The following PTPRT variants were observed in gnomAD, a reference collection of about 807,000 sequenced individuals.
PTPRT encodes the protein protein tyrosine phosphatase receptor type T.
PTPRT carries 56 observed loss-of-function variants against 176.8 expected under a neutral mutation model. The ratio of observed to expected loss-of-function variants is 0.32; its 90% CI spans 0.26 to 0.40. The LOEUF is 0.40. PTPRT is among the 10% of genes least tolerant of loss of function. The pLI, the probability that PTPRT is intolerant of heterozygous loss-of-function variation, is 1.00. For synonymous variants in PTPRT, 783 were observed against 739.0 expected (o/e 1.06, Z -0.96); for missense variants, 1,540 against 1,908.2 (o/e 0.81, Z 3.60).
chr20:42,282,580 G>T, intron 12 of PTPRT, 55 bp from the exon 13 acceptor site: 1 of 1,388,860 alleles, frequency 7.2e-7, no homozygotes, highest in South Asian at 1.3e-5. Flanking sequence ...ATATAAAATT[G>T]TTATATAAAG....
At chr20:42,162,619 G>C (rs1304468843) in intron 16 of PTPRT, among the ~76,000 whole-genome samples, 1 of 152,196 alleles carries the variant, frequency 6.6e-6, no homozygotes, top group East Asian at 1.9e-4. Context: ...CTTGTTTGTG[G>C]CATGCAAGAG....
At chr20:42,446,647 C>A (rs1266914717) in intron 9 of PTPRT, among the ~76,000 whole-genome samples, 1 of 139,538 alleles carries the variant, frequency 7.2e-6, no homozygotes, top group Admixed American at 7.3e-5. Context: ...ATTGTGGTTT[C>A]TGCTTTACAA....
At chr20:43,092,123 A>G (rs1162595003) in intron 1 of PTPRT, among the ~76,000 whole-genome samples, 1 of 152,254 alleles carries the variant, frequency 6.6e-6, no homozygotes, top group East Asian at 1.9e-4. Flanking sequence ...TGGGGAAGTG[A>G]TTCCAAGTGA....
intron 1 of PTPRT, among the ~76,000 whole-genome samples, chr20:43,106,786 AT>A (rs1347668327): frequency 6.6e-6 from 1 of 151,848 alleles, no homozygotes; most frequent in African/African-American, 2.4e-5. Flanking sequence ...TAAGTAAAAT[AT>A]TTTTAACTTT....
chr20:42,078,050 A>G lies in PTPRT; in HGVS notation c.*2829T>C. 1 of 186,352 alleles carries G rather than the reference A, an allele frequency of 5.4e-6. No individual in the cohort carries two copies. The highest frequency in any genetic ancestry group is 1.1e-5 in the Non-Finnish European group (1 of 87,810). 11.5% of individuals were successfully genotyped at this position (186,352 alleles called of 1,614,324 possible). A position where few individuals can be genotyped will look rare whatever the true frequency, so the allele number is the denominator to read the frequency against. On this transcript the variant is annotated 3_prime_UTR_variant, in exon 31 of 31. Transcript: ENST00000373187. ...ATTTGCCATGCTACAGGCTCCTTGCAGGCTGGGGAAGGCCAGCTGGGGCAT... is the reference window on the plus strand; with the variant it reads ...ATTTGCCATGCTACAGGCTCCTTGCGGGCTGGGGAAGGCCAGCTGGGGCAT...
At chr20:42,744,619 G>A (rs777579882) in intron 6 of PTPRT, among the ~76,000 whole-genome samples, 10 of 152,120 alleles carry the variant, frequency 6.6e-5, no homozygotes, top group Non-Finnish European at 1.2e-4. Flanking sequence ...TAAACCCCAA[G>A]GCTTAGTAGC....
chr20:42,380,147 G>C (rs746450084), intron 9 of PTPRT, among the ~76,000 whole-genome samples: 23 of 152,252 alleles, frequency 1.5e-4, no homozygotes, highest in Admixed American at 2.0e-4. Flanking sequence ...GCTACTGCAG[G>C]CTGATTTTTA....
chr20:42,992,430 C>A (rs772145483), intron 1 of PTPRT, among the ~76,000 whole-genome samples: 1 of 152,226 alleles, frequency 6.6e-6, no homozygotes, highest in Non-Finnish European at 1.5e-5. Context: ...GGTGCTCAGT[C>A]TATTGGGCCA....
intron 7 of PTPRT, among the ~76,000 whole-genome samples, chr20:42,583,426 A>G (rs2145731430): frequency 6.6e-6 from 1 of 152,334 alleles, no homozygotes; most frequent in South Asian, 2.1e-4. Flanking sequence ...ACAGCCATGC[A>G]AAAGTGTCTG....
In PTPRT at chr20:42,110,388, G is replaced by A. The variant is rs757894088; in HGVS notation, c.3199C>T (p.Arg1067Cys). ...GGGGGGTTGAGGAACTTGACCTGGCGGACGAAGCCCAGAAGGCCAGTGGCA... is the reference window on the plus strand; with the variant it reads ...GGGGGGTTGAGGAACTTGACCTGGCAGACGAAGCCCAGAAGGCCAGTGGCA... ...CYATGLLGFV[R>C]QVKFLNPPEA... The change falls in exon 23 of 31, where the codon CGC becomes TGC. Residue 1067 changes from arginine to cysteine, a missense_variant. Around this residue, in one of 11 missense-constraint regions of PTPRT, gnomAD observed 248 missense variants for 356.7 expected, o/e 0.70. Transcript: ENST00000373187. 3.0e-5 allele frequency: 48 copies of A among 1,612,458 alleles called. No homozygotes were observed. Among genetic ancestry groups the A allele is most frequent in the African/African-American group, 2.7e-5 (2 of 74,908 alleles).
intron 3 of PTPRT, among the ~76,000 whole-genome samples, chr20:42,786,055 T>C (rs2077285135): frequency 6.6e-6 from 1 of 152,216 alleles, no homozygotes; most frequent in African/African-American, 2.4e-5. Context: ...CTGATGGTTT[T>C]ATAAGTGTTT....
intron 14 of PTPRT, among the ~76,000 whole-genome samples, chr20:42,244,211 C>T (rs571934643): frequency 6.6e-6 from 1 of 152,250 alleles, no homozygotes; most frequent in African/African-American, 2.4e-5. Context: ...AATTTGGGGC[C>T]AGTTTTTCTG....
chr20:42,611,223 A>C (rs2073970625), intron 7 of PTPRT, among the ~76,000 whole-genome samples: 1 of 152,158 alleles, frequency 6.6e-6, no homozygotes, highest in Non-Finnish European at 1.5e-5. Flanking sequence ...TGTACATTTA[A>C]CTTCTTGAGG....
chr20:42,878,561 C>T (rs1404115472), intron 2 of PTPRT, among the ~76,000 whole-genome samples: 2 of 152,220 alleles, frequency 1.3e-5, no homozygotes, highest in African/African-American at 4.8e-5. Flanking sequence ...ACATAAAACT[C>T]ACATGACCTT....
chr20:42,922,875 C>A (rs78581298), intron 1 of PTPRT, among the ~76,000 whole-genome samples: 3,216 of 152,178 alleles, frequency 0.021, 125 homozygotes, highest in African/African-American at 0.073. Context: ...CCTGCTGTCT[C>A]CTCACCCTTG....
At chr20:42,921,009 G>A (rs1280156359) in intron 1 of PTPRT, among the ~76,000 whole-genome samples, 1 of 152,186 alleles carries the variant, frequency 6.6e-6, no homozygotes, top group Non-Finnish European at 1.5e-5. Context: ...TAACTACTGA[G>A]GTTAGCCTGG....
intron 15 of PTPRT, among the ~76,000 whole-genome samples, chr20:42,201,718 G>A (rs1352105964): frequency 7.8e-6 from 1 of 127,566 alleles, no homozygotes; most frequent in African/African-American, 3.1e-5. Context: ...CTGACAGGGA[G>A]AGAACCAGAG....
Position 42,135,527 on chromosome 20 carries a change from A to G in PTPRT, c.2770+6388T>C, listed in dbSNP as rs1014389667. 5.3e-4 allele frequency among the ~76,000 whole-genome samples: 81 copies of G among 152,188 alleles called. 1 individual carries two copies. Among genetic ancestry groups the G allele is most frequent in the African/African-American group, 1.9e-3 (79 of 41,452 alleles). On this transcript the variant is annotated intron_variant, in intron 18 of 30. Coordinates refer to ENST00000373187, the MANE Select transcript of PTPRT (RefSeq NM_007050.6). ...TTCTGATACACGTTCAGGTTTGAGT[A>G]TACAGACCAATGTTTAGTGACTTAG...
At position 42,372,481 on chromosome 20, in the gene PTPRT, C is replaced by T. The variant is rs1041000222; in HGVS notation, c.1561-20196G>A. Among the ~76,000 whole-genome samples, 13 of 151,956 alleles carry T rather than the reference C, an allele frequency of 8.6e-5. No individual in the cohort carries two copies. In the East Asian group the frequency reaches 2.3e-3, roughly 27 times the overall value. ...TATATTTTCAGTAGAGATGCAGTTT[C>T]ACCATGTTGGCCAGGCTGGTCTTGA... On this transcript the variant is annotated intron_variant, in intron 9 of 30. Transcript: ENST00000373187.
Sources: gnomAD v4.1 joint callset for allele counts (sites outside exome capture counted in the v4.1 genomes callset) on GRCh38, gnomAD v4.1.1 for gene constraint, gnomAD v4.1.1 regional missense constraint, MANE v1.5 for transcripts, NCBI Gene and HGNC (gene_info 2026-07-23, HGNC 2026-07-21) for gene names.